EFCAB13: variants seen among roughly 807,000 people sequenced by gnomAD.
EFCAB13 encodes the protein EF-hand calcium binding domain 13, also known as EF-hand calcium-binding domain-containing protein 13.
Under a neutral mutation model 110.2 loss-of-function variants are expected in EFCAB13, and 91 were observed. That is an observed-to-expected ratio of 0.83 (90% CI 0.70 to 0.98). EFCAB13 has a LOEUF of 0.98. EFCAB13 is among the 50% of genes least tolerant of loss of function. The probability of loss-of-function intolerance (pLI) is 0.00; values close to 1 mark genes in which losing one functional copy is unlikely to be tolerated. For missense variants in EFCAB13, 968 were observed against 1,119.4 expected (o/e 0.86, Z 1.93); for synonymous variants, 323 against 369.9 (o/e 0.87, Z 1.45).
intron 21 of EFCAB13, 150 bp from the exon 22 acceptor site, chr17:47,412,623 A>C: frequency 1.3e-6 from 1 of 752,150 alleles, no homozygotes; most frequent in Non-Finnish European, 2.0e-6. Flanking sequence ...GAAGTGGGCC[A>C]TCAGTTACAA....
intron 9 of EFCAB13, among the ~76,000 whole-genome samples, chr17:47,355,862 C>T (rs1489988825): frequency 6.6e-6 from 1 of 152,036 alleles, no homozygotes. Context: ...TGAGCCACTG[C>T]ACCCAGCAGT....
intron 5 of EFCAB13, chr17:47,341,550 G>A (rs1156683796): frequency 1.9e-5 from 3 of 155,590 alleles, no homozygotes; most frequent in Middle Eastern, 3.0e-3. Flanking sequence ...GTAGAGATGG[G>A]GTTTTTCACC....
intron 14 of EFCAB13, among the ~76,000 whole-genome samples, chr17:47,386,208 G>C (rs934064485): frequency 6.6e-6 from 1 of 152,206 alleles, no homozygotes; most frequent in Admixed American, 6.5e-5. Context: ...AGAGTCAGCA[G>C]GCAGGAACGT....
intron 14 of EFCAB13, among the ~76,000 whole-genome samples, chr17:47,381,308 G>A (rs1167066846): frequency 1.3e-5 from 2 of 151,962 alleles, no homozygotes; most frequent in South Asian, 2.1e-4. Flanking sequence ...TAGGTTTCCT[G>A]TTCACTCTGA....
intron 8 of EFCAB13, 61 bp from the exon 9 acceptor site, chr17:47,347,747 G>T (rs1404783952): frequency 1.6e-5 from 20 of 1,241,588 alleles, no homozygotes; most frequent in Middle Eastern, 2.3e-4. Context: ...TGAGAGTGGG[G>T]GGAATAAGGA....
chr17:47,332,419 TA>T (rs1297360822), intron 4 of EFCAB13, among the ~76,000 whole-genome samples: 3 of 152,128 alleles, frequency 2.0e-5, no homozygotes, highest in Non-Finnish European at 4.4e-5. Flanking sequence ...GGTAAGAACA[TA>T]AAAAAATTTT....
intron 9 of EFCAB13, among the ~76,000 whole-genome samples, chr17:47,356,473 G>T (rs1266718758): frequency 6.6e-6 from 1 of 152,126 alleles, no homozygotes; most frequent in Non-Finnish European, 1.5e-5. Context: ...GAGCCAAACT[G>T]CAGTAATTGT....
Position 47,325,929 on chromosome 17 carries a change from T to TATATATC in EFCAB13, c.-247-291_-247-290insCATATAT, listed in dbSNP as rs1555575769. ...TTTATATATATATAAACAAAATATA[T>TATATATC]ATATATATATATATATATATATATA... On this transcript the variant is annotated intron_variant, in intron 2 of 24. Transcript: ENST00000331493. Among the ~76,000 whole-genome samples, 15 of 35,730 alleles carry TATATATC rather than the reference T, an allele frequency of 4.2e-4. 1 individual carries two copies. Among genetic ancestry groups the TATATATC allele is most frequent in the East Asian group, 3.5e-3 (4 of 1,142 alleles). 23.4% of individuals were successfully genotyped at this position (35,730 alleles called of 152,430 possible). A position where few individuals can be genotyped will look rare whatever the true frequency, so the allele number is the denominator to read the frequency against.
chr17:47,357,745 G>A (rs145273874), intron 9 of EFCAB13, among the ~76,000 whole-genome samples: 23 of 152,228 alleles, frequency 1.5e-4, no homozygotes, highest in Non-Finnish European at 2.8e-4. Flanking sequence ...ATGTATCTGT[G>A]GTCAGTACTT....
chr17:47,430,232 T>C, intron 24 of EFCAB13: 1 of 1,052,378 alleles, frequency 9.5e-7, no homozygotes. Context: ...ACATGCACAG[T>C]GGTCAATCAG....
intron 9 of EFCAB13, among the ~76,000 whole-genome samples, chr17:47,350,066 G>A (rs1026338654): frequency 3.9e-5 from 6 of 152,192 alleles, no homozygotes; most frequent in Admixed American, 1.3e-4. Context: ...GAGCCACCGT[G>A]CCCGGCCTGA....
rs1009829135 is a variant in EFCAB13 at position 47,324,467 on chromosome 17, C to A, written c.-304C>A. The A allele has an allele frequency of 6.6e-6, 1 of 152,050 alleles. No individual in the cohort carries two copies. The highest frequency in any genetic ancestry group is 2.4e-5 in the African/African-American group (1 of 41,366). 9.4% of individuals were successfully genotyped at this position (152,050 alleles called of 1,614,324 possible). On this transcript the variant is annotated 5_prime_UTR_variant, in exon 2 of 25. Transcript: ENST00000331493. ...TTCTTCCTGTAGAAGTCGTTGGCTTCGTAAGAGCAGGGTCTATGGGAAGCC... is the reference window on the plus strand; with the variant it reads ...TTCTTCCTGTAGAAGTCGTTGGCTTAGTAAGAGCAGGGTCTATGGGAAGCC...
In EFCAB13 at chr17:47,402,314, A is replaced by G. The variant is rs907046649; in HGVS notation, c.2017+111A>G. On this transcript the variant is annotated intron_variant, in intron 18 of 24. Coordinates refer to ENST00000331493, the MANE Select transcript of EFCAB13 (RefSeq NM_152347.5). The stretch of plus-strand genomic sequence containing the variant: ...CCTAATTTCTGGTTAACATGTTGGC[A>G]TTGATATGTTTATACGCAGATGAAA... 3.0e-6 allele frequency: 3 copies of G among 990,574 alleles called. No individual in the cohort carries two copies. In the African/African-American group the frequency reaches 4.9e-5, roughly 16 times the overall value. The allele number at this position is 990,574 out of a possible 1,614,324, so 61.4% of individuals were successfully genotyped here. A position where few individuals can be genotyped will look rare whatever the true frequency, so the allele number is the denominator to read the frequency against.
intron 14 of EFCAB13, among the ~76,000 whole-genome samples, chr17:47,383,374 G>T (rs1003415282): frequency 2.6e-5 from 4 of 151,948 alleles, no homozygotes; most frequent in Admixed American, 6.6e-5. Context: ...GTGATGTTAG[G>T]GTGTCGATTT....
chr17:47,385,434 T>TCAGC (rs2065671025), intron 14 of EFCAB13, among the ~76,000 whole-genome samples: 1 of 151,922 alleles, frequency 6.6e-6, no homozygotes. Context: ...CTTGATTGAT[T>TCAGC]CAGCTATTGA....
rs1431912154 is a variant in EFCAB13, at chr17:47,364,322, A to G, written c.805+2801A>G. On this transcript the variant is annotated intron_variant, in intron 10 of 24. Coordinates refer to ENST00000331493, the MANE Select transcript of EFCAB13 (RefSeq NM_152347.5). ...AGATAGATATCTCTTAAGTCTTTCT[A>G]TTTCTCTCTCTTTTTTTAACTCCAC... Among the ~76,000 whole-genome samples the G allele has an allele frequency of 2.0e-5, 3 of 151,640 alleles. No individual in the cohort carries two copies. The East Asian group carries it at 5.8e-4, about 29-fold the overall frequency.
chr17:47,421,641 G>GAAAAAAAAAAAAAAAAAAAAAAAAAAAAA (rs375256582), intron 23 of EFCAB13, among the ~76,000 whole-genome samples: 2 of 129,392 alleles, frequency 1.5e-5, no homozygotes, highest in Admixed American at 7.8e-5. Flanking sequence ...AAGAAAGAAA[G>GAAAAAAAAAAAAAAAAAAAAAAAAAAAAA]AAAAAAAAAA....
At chr17:47,349,929 C>T (rs1012925813) in intron 9 of EFCAB13, among the ~76,000 whole-genome samples, 11 of 151,394 alleles carry the variant, frequency 7.3e-5, no homozygotes, top group Middle Eastern at 3.4e-3. Context: ...TGCCCGCCAC[C>T]GCGCCTGGCT....
At position 47,344,038 on chromosome 17, in the gene EFCAB13, C is replaced by G. The variant is rs551123119; in HGVS notation, c.304-124C>G. ...TTAATTACAAAAGGCAATTTTACACCAGAAGCATAATTAATGAGGAGCCAA... is the reference window on the plus strand; with the variant it reads ...TTAATTACAAAAGGCAATTTTACACGAGAAGCATAATTAATGAGGAGCCAA... On this transcript the variant is annotated intron_variant, in intron 6 of 24. Coordinates refer to ENST00000331493, the MANE Select transcript of EFCAB13 (RefSeq NM_152347.5). The G allele has an allele frequency of 5.5e-5, 62 of 1,127,466 alleles. No individual in the cohort carries two copies. In the African/African-American group the frequency reaches 9.6e-4, roughly 17 times the overall value. The allele number at this position is 1,127,466 out of a possible 1,614,324, so 69.8% of individuals were successfully genotyped here. A position where few individuals can be genotyped will look rare whatever the true frequency, so the allele number is the denominator to read the frequency against.
Sources: allele counts gnomAD v4.1 joint callset (sites outside exome capture counted in the v4.1 genomes callset), GRCh38; gene constraint gnomAD v4.1.1; transcripts MANE v1.5; gene names NCBI Gene and HGNC (gene_info 2026-07-23, HGNC 2026-07-21).